RBM5: variants seen among roughly 807,000 people sequenced by gnomAD.
RBM5 encodes RNA binding motif protein 5, also known as RNA-binding protein 5.
Under a neutral mutation model 124.6 loss-of-function variants are expected in RBM5, and 15 were observed. The observed-to-expected ratio is 0.12, with a 90% CI of 0.08 to 0.19. RBM5 has a LOEUF of 0.19. Among genes scored for constraint, RBM5 ranks in the 10% least tolerant of loss-of-function variants. The pLI, the probability that RBM5 is intolerant of heterozygous loss-of-function variation, is 1.00. For synonymous variants in RBM5, 337 were observed against 361.2 expected (o/e 0.93, Z 0.76); for missense variants, 580 against 1,026.5 (o/e 0.57, Z 5.94).
At chr3:50,098,864 G>A (rs1251986535) in intron 4 of RBM5, among the ~76,000 whole-genome samples, 1 of 152,174 alleles carries the variant, frequency 6.6e-6, no homozygotes, top group African/African-American at 2.4e-5. Flanking sequence ...ATAGGCTTGA[G>A]CCACTGTACT....
chr3:50,106,677 T>C (rs1204854002), intron 10 of RBM5, 90 bp from the exon 11 acceptor site: 4 of 935,586 alleles, frequency 4.3e-6, no homozygotes, highest in African/African-American at 1.7e-5. Context: ...TTTTATTTTT[T>C]AATAGAAAAC....
chr3:50,092,315 A>G (rs2090718293), intron 3 of RBM5, 107 bp downstream of exon 3: 1 of 1,287,500 alleles, frequency 7.8e-7, no homozygotes, highest in Non-Finnish European at 1.1e-6. Flanking sequence ...TAATCCTATC[A>G]CTTTGGGAGG....
Position 50,117,567 on chromosome 3 carries a change from G to A in RBM5, c.2322+188G>A. 1.4e-6 allele frequency: 1 copy of A among 712,454 alleles called. No individual in the cohort carries two copies. 44.1% of individuals were successfully genotyped at this position (712,454 alleles called of 1,614,324 possible). On this transcript the variant is annotated intron_variant, in intron 24 of 24. Transcript: ENST00000347869. The surrounding 1 kb of genome is among the most constrained non-coding windows in gnomAD (Gnocchi z 4.2). ...AGGCCGAGGAGGGTGGATTGCCTGA[G>A]CCCAGAAGTTTGAGACCAGCCTGGG...
chr3:50,093,815 C>T lies in RBM5; in HGVS notation c.279C>T (p.Asp93=), dbSNP rs775788411. Residue 93 remains aspartate (D), a synonymous_variant, in exon 4 of 25, where the codon GAC becomes GAT. Transcript: ENST00000347869. ...ACGACTATAGGCATGACATCAGTGA[C>T]GAGAGGGAGAGCAAGACCATCATGC... ...GEHDYRHDIS[D]ERESKTIMLR... The T allele has an allele frequency of 2.5e-6, 4 of 1,613,868 alleles. No homozygotes were observed. The South Asian group carries it at 3.3e-5, about 13-fold the overall frequency.
rs527571637 is a variant in RBM5, at chr3:50,113,916, TA to T, written c.1618-33del. On this transcript the variant is annotated intron_variant, in intron 18 of 24. Coordinates refer to ENST00000347869, the MANE Select transcript of RBM5 (RefSeq NM_005778.4). ...CATTCTCATGGCACAGGGGATTAAA[TA>T]TTTTTTTGTTGGTGTTTGTTGTTTG... is the stretch of plus-strand genomic sequence containing the variant. 1.8e-3 allele frequency: 2,937 copies of T among 1,605,240 alleles called. 2 individuals carry two copies. Among genetic ancestry groups the T allele is most frequent in the Non-Finnish European group, 2.2e-3 (2,581 of 1,175,682 alleles).
chr3:50,105,500 A>T (rs978178622), intron 9 of RBM5, 49 bp from the exon 10 acceptor site: 1 of 1,584,776 alleles, frequency 6.3e-7, no homozygotes, highest in Non-Finnish European at 8.6e-7. Flanking sequence ...ACTTTGGTAC[A>T]TTGGTGGTGG....
rs1206522664 is a variant in RBM5, at chr3:50,115,672, A to G, written c.2019+65A>G. 6 of 1,533,358 alleles carry G rather than the reference A, an allele frequency of 3.9e-6. No homozygotes were observed. In the Admixed American group the frequency reaches 6.2e-5, roughly 16 times the overall value. 95.0% of individuals were successfully genotyped at this position (1,533,358 alleles called of 1,614,324 possible). A position where few individuals can be genotyped will look rare whatever the true frequency, so the allele number is the denominator to read the frequency against. On this transcript the variant is annotated intron_variant, in intron 21 of 24. Coordinates refer to ENST00000347869, the MANE Select transcript of RBM5 (RefSeq NM_005778.4). ...GGCAGTGAGACAATTTGAGTGCCCT[A>G]ACAGTCCTGACGGTTCCAAAAATAC... is the stretch of plus-strand genomic sequence containing the variant.
At chr3:50,108,973 A>G (rs899282095) in intron 14 of RBM5, among the ~76,000 whole-genome samples, 7 of 152,230 alleles carry the variant, frequency 4.6e-5, no homozygotes, top group Non-Finnish European at 1.0e-4. Flanking sequence ...GAGCTACTCT[A>G]AGAAGCCTTG....
chr3:50,088,973 C>A lies in RBM5; in HGVS notation c.-110C>A, dbSNP rs1231910653. The A allele has an allele frequency of 1.3e-5, 2 of 152,394 alleles. No homozygotes were observed. Among genetic ancestry groups the A allele is most frequent in the Non-Finnish European group, 2.9e-5 (2 of 68,114 alleles). 9.4% of individuals were successfully genotyped at this position (152,394 alleles called of 1,614,324 possible). A position where few individuals can be genotyped will look rare whatever the true frequency, so the allele number is the denominator to read the frequency against. On this transcript the variant is annotated 5_prime_UTR_variant, in exon 1 of 25. Coordinates refer to ENST00000347869, the MANE Select transcript of RBM5 (RefSeq NM_005778.4). ...GGCGCCATTTTGTGTAGCCGCCGAACCTTGTTGGAGGTTCTGGGGCGCAGA... is the reference window on the plus strand; with the variant it reads ...GGCGCCATTTTGTGTAGCCGCCGAAACTTGTTGGAGGTTCTGGGGCGCAGA...
chr3:50,115,642 G>C, intron 21 of RBM5, 35 bp downstream of exon 21: 1 of 1,573,180 alleles, frequency 6.4e-7, no homozygotes. Context: ...GAGGGGGCGA[G>C]GGGAGGCAGT....
chr3:50,091,960 G>A, intron 2 of RBM5, 83 bp from the exon 3 acceptor site: 1 of 1,409,872 alleles, frequency 7.1e-7, no homozygotes. Context: ...AAACTGATCT[G>A]TGGGCCGTGT....
chr3:50,110,321 T>G, intron 15 of RBM5, 58 bp from the exon 16 acceptor site: 1 of 1,462,558 alleles, frequency 6.8e-7, no homozygotes, highest in African/African-American at 1.4e-5. Flanking sequence ...TTGCAGTGAT[T>G]TAGCTCTCTT....
At chr3:50,104,154 A>T in intron 7 of RBM5, 94 bp from the exon 8 acceptor site, 1 of 982,986 alleles carries the variant, frequency 1.0e-6, no homozygotes, top group Non-Finnish European at 1.6e-6. Flanking sequence ...CTTTTCTGTT[A>T]GTTACTGGGA....
At chr3:50,109,563 C>CA (rs2091104501) in intron 14 of RBM5, 40 bp from the exon 15 acceptor site, 1 of 1,547,216 alleles carries the variant, frequency 6.5e-7, no homozygotes, top group African/African-American at 1.4e-5. Flanking sequence ...GGTTGGCGTT[C>CA]AGTGCCTTGG....
chr3:50,091,815 T>C (rs903237940), intron 2 of RBM5, among the ~76,000 whole-genome samples: 2 of 152,212 alleles, frequency 1.3e-5, no homozygotes, highest in African/African-American at 4.8e-5. Flanking sequence ...AACCCAAATG[T>C]TTATTTCAGA....
At chr3:50,101,919 T>TA (rs1157554532) in intron 6 of RBM5, 1 of 152,220 alleles carries the variant, frequency 6.6e-6, no homozygotes, top group Non-Finnish European at 1.5e-5. Flanking sequence ...CCAGCTTTTT[T>TA]ATTTTTGCTT....
Position 50,100,853 on chromosome 3 carries a change from A to G in RBM5, c.483+248A>G, listed in dbSNP as rs558512110. ...GTTAACTACTGAATACCTGTCTGGT[A>G]ATCACTAAAACATCTTAATGTTTCC... On this transcript the variant is annotated intron_variant, in intron 6 of 24. Transcript: ENST00000347869. The surrounding 1 kb of genome is among the most constrained non-coding windows in gnomAD (Gnocchi z 5.1). The G allele has an allele frequency of 1.6e-4, 65 of 402,634 alleles. 1 individual carries two copies. In the South Asian group the frequency reaches 5.1e-3, roughly 31 times the overall value. 24.9% of individuals were successfully genotyped at this position (402,634 alleles called of 1,614,324 possible).
chr3:50,112,063 T>C (rs899096438), intron 17 of RBM5: 1 of 142,642 alleles, frequency 7.0e-6, no homozygotes, highest in Non-Finnish European at 1.5e-5. Flanking sequence ...GTCAGTTCTT[T>C]TTTTTTTTTT....
chr3:50,109,109 T>C (rs2091095061), intron 14 of RBM5, among the ~76,000 whole-genome samples: 1 of 152,232 alleles, frequency 6.6e-6, no homozygotes, highest in Non-Finnish European at 1.5e-5. Flanking sequence ...AGTCTCGCTC[T>C]GTTGCCCAGG....
Sources: allele counts gnomAD v4.1 joint callset (sites outside exome capture counted in the v4.1 genomes callset), GRCh38; gene constraint gnomAD v4.1.1; non-coding constraint Gnocchi (gnomAD v3.1); transcripts MANE v1.5; gene names NCBI Gene and HGNC (gene_info 2026-07-23, HGNC 2026-07-21).